The following EHBP1 variants were observed in gnomAD, a reference collection of about 807,000 sequenced individuals.
EHBP1 encodes the protein EH domain-binding protein 1.
In EHBP1, 55 loss-of-function variants were observed where a neutral mutation model predicts 144.0. The ratio of observed to expected loss-of-function variants is 0.38; its 90% CI spans 0.31 to 0.48. The LOEUF (loss-of-function observed/expected upper bound fraction) is 0.48, where lower values mean the gene tolerates loss of function less well. Among genes scored for constraint, EHBP1 ranks in the 20% least tolerant of loss-of-function variants. The pLI is 0.98. For missense variants in EHBP1, 1,200 were observed against 1,364.2 expected, an observed-to-expected ratio of 0.88 and a Z score of 1.90; for synonymous variants, 469 against 472.7, an observed-to-expected ratio of 0.99 and a Z score of 0.10.
At chr2:62,898,088 G>C (rs1558876992) in intron 10 of EHBP1, among the ~76,000 whole-genome samples, 1 of 152,166 alleles carries the variant, frequency 6.6e-6, no homozygotes, top group East Asian at 1.9e-4. Context: ...AGAGAGAGGA[G>C]ATGACCAGGT....
intron 3 of EHBP1, among the ~76,000 whole-genome samples, chr2:62,755,350 G>A (rs2040179536): frequency 6.6e-6 from 1 of 151,878 alleles, no homozygotes; most frequent in South Asian, 2.1e-4. Flanking sequence ...TTATTGCTAA[G>A]TAGTATTCCT....
At chr2:62,987,822 C>T (rs1559029880) in intron 15 of EHBP1, 5 of 563,450 alleles carry the variant, frequency 8.9e-6, no homozygotes, top group Non-Finnish European at 1.5e-5. Context: ...TGTGTCAGAC[C>T]TGAATTTGAA....
chr2:62,769,846 G>C (rs1181886266), intron 4 of EHBP1, among the ~76,000 whole-genome samples: 2 of 136,914 alleles, frequency 1.5e-5, no homozygotes, highest in South Asian at 2.4e-4. Flanking sequence ...GAACAGAATA[G>C]ATAACCCAGA....
intron 10 of EHBP1, among the ~76,000 whole-genome samples, chr2:62,933,572 C>G (rs2056165044): frequency 6.6e-6 from 1 of 152,070 alleles, no homozygotes; most frequent in Admixed American, 6.5e-5. Context: ...GATTCCCGTA[C>G]TCATGTAGAT....
chr2:63,039,274 A>AT, intron 21 of EHBP1, among the ~76,000 whole-genome samples: 1 of 152,292 alleles, frequency 6.6e-6, no homozygotes, highest in African/African-American at 2.4e-5. Flanking sequence ...AACTTGTATT[A>AT]AGTGAATATC....
chr2:62,748,690 A>T (rs531342883), intron 3 of EHBP1, among the ~76,000 whole-genome samples: 18 of 152,162 alleles, frequency 1.2e-4, no homozygotes, highest in African/African-American at 4.3e-4. Flanking sequence ...AATAAATGTG[A>T]CTATATTTTT....
chr2:62,868,838 C>T (rs1573810829), intron 9 of EHBP1, among the ~76,000 whole-genome samples: 3 of 152,018 alleles, frequency 2.0e-5, no homozygotes. Context: ...CCTGTGGTCC[C>T]AGCTACTCAG....
At chr2:62,971,246 TAAC>T (rs2058482870) in intron 14 of EHBP1, among the ~76,000 whole-genome samples, 1 of 152,178 alleles carries the variant, frequency 6.6e-6, no homozygotes, top group Non-Finnish European at 1.5e-5. Context: ...TTTTGCACCA[TAAC>T]AGGACTTTTG....
At chr2:62,996,412 G>A (rs1254639429) in intron 18 of EHBP1, among the ~76,000 whole-genome samples, 2 of 152,134 alleles carry the variant, frequency 1.3e-5, no homozygotes, top group East Asian at 3.9e-4. Context: ...ATCTGCCTGT[G>A]AAATTCTAAA....
chr2:62,943,962 A>T, intron 12 of EHBP1, 112 bp downstream of exon 12: 5 of 687,782 alleles, frequency 7.3e-6, no homozygotes, highest in Non-Finnish European at 1.2e-5. Flanking sequence ...TACAACTCAC[A>T]GAGGGTTGTC....
intron 4 of EHBP1, among the ~76,000 whole-genome samples, chr2:62,768,349 A>G (rs1558637514): frequency 6.6e-6 from 1 of 152,220 alleles, no homozygotes; most frequent in Non-Finnish European, 1.5e-5. Flanking sequence ...CACTGACCTC[A>G]GATAAGTGAA....
chr2:62,811,450 G>T (rs900782441), intron 5 of EHBP1, among the ~76,000 whole-genome samples: 6 of 152,182 alleles, frequency 3.9e-5, no homozygotes, highest in Non-Finnish European at 8.8e-5. Context: ...TTAACTTATA[G>T]ATTGTCTTTT....
chr2:62,995,069 G>A (rs1447538687), intron 18 of EHBP1, among the ~76,000 whole-genome samples: 1 of 151,850 alleles, frequency 6.6e-6, no homozygotes, highest in African/African-American at 2.4e-5. Flanking sequence ...TGTCTGTATG[G>A]GAATGAGAAA....
At chr2:62,676,036 G>A (rs188460007) in intron 1 of EHBP1, among the ~76,000 whole-genome samples, 140 of 152,304 alleles carry the variant, frequency 9.2e-4, no homozygotes, top group Admixed American at 2.1e-3. Flanking sequence ...GATTACAGGC[G>A]TGAGCCACTG....
At chr2:62,921,463 A>AG (rs772264681) in intron 10 of EHBP1, among the ~76,000 whole-genome samples, 4 of 152,014 alleles carry the variant, frequency 2.6e-5, no homozygotes, top group Non-Finnish European at 5.9e-5. Flanking sequence ...AAAAAAAAAA[A>AG]GTAATCCCCA....
At chr2:62,941,556 G>A (rs570292556) in intron 10 of EHBP1, among the ~76,000 whole-genome samples, 2 of 152,226 alleles carry the variant, frequency 1.3e-5, no homozygotes, top group East Asian at 3.9e-4. Context: ...TCTCACAAAA[G>A]CAGTGAATGC....
intron 5 of EHBP1, among the ~76,000 whole-genome samples, chr2:62,815,116 C>T (rs74389013): frequency 0.092 from 14,074 of 152,192 alleles, 854 homozygotes; most frequent in Non-Finnish European, 0.13. Flanking sequence ...TCTACTGAAC[C>T]TATGATTTAC....
At chr2:62,778,912 G>T (rs937986477) in intron 5 of EHBP1, among the ~76,000 whole-genome samples, 1 of 151,544 alleles carries the variant, frequency 6.6e-6, no homozygotes, top group Non-Finnish European at 1.5e-5. Flanking sequence ...TCACTTCAAT[G>T]TCTGGGGAAA....
At chr2:62,792,997 C>A (rs1487881266) in intron 5 of EHBP1, among the ~76,000 whole-genome samples, 1 of 151,618 alleles carries the variant, frequency 6.6e-6, no homozygotes, top group East Asian at 1.9e-4. Flanking sequence ...AATGACAATG[C>A]TACGTATATT....
Sources: gnomAD v4.1 joint callset for allele counts (sites outside exome capture counted in the v4.1 genomes callset) on GRCh38, gnomAD v4.1.1 for gene constraint, MANE v1.5 for transcripts, NCBI Gene and HGNC (gene_info 2026-07-23, HGNC 2026-07-21) for gene names.